BABAM2: variants seen among roughly 807,000 people sequenced by gnomAD.
BABAM2 encodes BRISC and BRCA1 A complex member 2, also known as BRISC and BRCA1-A complex member 2.
In BABAM2, 31 loss-of-function variants were observed where a neutral mutation model predicts 54.7. The ratio of observed to expected loss-of-function variants is 0.57; its 90% confidence interval spans 0.43 to 0.77. The LOEUF is 0.77. Among genes scored for constraint, BABAM2 ranks in the 30% least tolerant of loss-of-function variants. The pLI, the probability that BABAM2 is intolerant of heterozygous loss-of-function variation, is 0.00. For synonymous variants in BABAM2, 167 were observed against 162.9 expected, an observed-to-expected ratio of 1.03 and a Z score of -0.19; for missense variants, 364 against 455.8, an observed-to-expected ratio of 0.80 and a Z score of 1.83.
At chr2:28,026,917 AATATATATAAAT>A (rs1228120527) in intron 5 of BABAM2, among the ~76,000 whole-genome samples, 2 of 29,478 alleles carry the variant, frequency 6.8e-5, no homozygotes, top group East Asian at 1.3e-3. Flanking sequence ...AATATATATT[AATATATATAAAT>A]ATATATATAA....
intron 6 of BABAM2, among the ~76,000 whole-genome samples, chr2:28,127,353 C>T (rs6707054): frequency 0.22 from 33,266 of 152,056 alleles, 3,892 homozygotes; most frequent in South Asian, 0.45. Flanking sequence ...GGCAGAGAAG[C>T]ATTTGGTGTG....
chr2:28,329,006 A>G lies in BABAM2; in HGVS notation c.1089-9444A>G, dbSNP rs1421650873. Among the ~76,000 whole-genome samples, 2 of 152,232 alleles carry G rather than the reference A, an allele frequency of 1.3e-5. No homozygotes were observed. The highest frequency in any genetic ancestry group is 2.9e-5 in the Non-Finnish European group (2 of 68,046). ...TGAATCAATAAAGCATTGTAATTCC[A>G]GTAGGAAAGAACCCTTTAGATGAGA... is the stretch of plus-strand genomic sequence containing the variant. On this transcript the variant is annotated intron_variant, in intron 11 of 11. Coordinates refer to ENST00000379624, the MANE Select transcript of BABAM2 (RefSeq NM_199191.3). This position sits in a 1 kb window ranked among gnomAD's most constrained non-coding sequence, Gnocchi z 4.2.
At chr2:28,058,915 G>A (rs1044936433) in intron 6 of BABAM2, among the ~76,000 whole-genome samples, 7 of 152,058 alleles carry the variant, frequency 4.6e-5, no homozygotes, top group African/African-American at 9.7e-5. Flanking sequence ...AAACAACAAC[G>A]GCTCCTTCAC....
At chr2:28,094,390 T>C (rs1666422872) in intron 6 of BABAM2, among the ~76,000 whole-genome samples, 1 of 152,138 alleles carries the variant, frequency 6.6e-6, no homozygotes, top group Non-Finnish European at 1.5e-5. Context: ...ATGGCAATGA[T>C]TGAGTTTGCC....
At chr2:28,209,534 A>G (rs1679232176) in intron 7 of BABAM2, among the ~76,000 whole-genome samples, 1 of 152,202 alleles carries the variant, frequency 6.6e-6, no homozygotes, top group Non-Finnish European at 1.5e-5. Flanking sequence ...AGCATTGCCA[A>G]CTGAGAGGGA....
intron 6 of BABAM2, among the ~76,000 whole-genome samples, chr2:28,047,194 T>TGA (rs1220039537): frequency 4.6e-5 from 7 of 152,368 alleles, no homozygotes; most frequent in Non-Finnish European, 1.0e-4. Context: ...TCAATTTCTA[T>TGA]CAGTTTCTCT....
intron 7 of BABAM2, among the ~76,000 whole-genome samples, chr2:28,235,333 C>T (rs955778703): frequency 1.1e-4 from 16 of 152,188 alleles, no homozygotes; most frequent in East Asian, 9.7e-4. Flanking sequence ...CATGCCACCA[C>T]GCCCAGCTAA....
At chr2:27,890,229 C>G (rs780144481), upstream of BABAM2, 82 of 1,608,478 alleles carry the variant, frequency 5.1e-5, 1 homozygote, top group Admixed American at 1.0e-3. This position sits in a 1 kb window ranked among gnomAD's most constrained non-coding sequence, Gnocchi z 4.8. Flanking sequence ...CCCCGAGCCG[C>G]AGACTGAGTA....
chr2:27,941,484 AGG>A (rs1668878873), intron 3 of BABAM2, among the ~76,000 whole-genome samples: 1 of 151,686 alleles, frequency 6.6e-6, no homozygotes, highest in African/African-American at 2.4e-5. Flanking sequence ...TGAACCTGGG[AGG>A]CGGAGGTTGC....
Position 28,172,584 on chromosome 2 carries a change from T to G in BABAM2, c.680+43204T>G, listed in dbSNP as rs148891179. Among the ~76,000 whole-genome samples, 6 of 152,332 alleles carry G rather than the reference T, an allele frequency of 3.9e-5. No individual in the cohort carries two copies. In the East Asian group the frequency reaches 1.2e-3, roughly 29 times the overall value. On this transcript the variant is annotated intron_variant, in intron 7 of 11. Transcript: ENST00000379624. ...GAACTGCACTTTCTATCAACTTATG[T>G]TTCCCTGTGAAGAAAACCTTGTCTC...
intron 11 of BABAM2, among the ~76,000 whole-genome samples, chr2:28,333,348 C>T (rs1691130040): frequency 6.6e-6 from 1 of 152,184 alleles, no homozygotes; most frequent in East Asian, 1.9e-4. Context: ...TCACCTTCTA[C>T]AGCCCACCGG....
chr2:27,963,488 A>AG (rs1558622100), intron 3 of BABAM2, among the ~76,000 whole-genome samples: 2 of 151,266 alleles, frequency 1.3e-5, no homozygotes, highest in East Asian at 1.9e-4. Flanking sequence ...AAAAAAAAAA[A>AG]AAAAAGAAAA....
intron 7 of BABAM2, among the ~76,000 whole-genome samples, chr2:28,167,707 AATAAAT>A (rs1673859394): frequency 1.3e-5 from 2 of 150,086 alleles, no homozygotes; most frequent in African/African-American, 2.4e-5. Context: ...AAAATAAATA[AATAAAT>A]AAATAAATAA....
intron 7 of BABAM2, among the ~76,000 whole-genome samples, chr2:28,228,163 G>A (rs1367236066): frequency 6.6e-6 from 1 of 152,208 alleles, no homozygotes; most frequent in African/African-American, 2.4e-5. Context: ...TCATTTTCAT[G>A]TGGAGGTCAA....
chr2:28,289,002 C>G (rs1687058127), intron 10 of BABAM2, among the ~76,000 whole-genome samples: 1 of 151,008 alleles, frequency 6.6e-6, no homozygotes, highest in Non-Finnish European at 1.5e-5. Context: ...TTTTCCTGAC[C>G]CTCTTAGTTT....
In BABAM2 at chr2:28,310,200, G is replaced by A. The variant is rs868012697; in HGVS notation, c.1088+11709G>A. On this transcript the variant is annotated intron_variant, in intron 11 of 11. Coordinates refer to ENST00000379624, the MANE Select transcript of BABAM2 (RefSeq NM_199191.3). Reference sequence around the variant, plus strand: ...ATTAGAACCTGACATCTGTTGCAGTGAAATGATAAGCTCCATTGAAAAGCC... The same window carrying A: ...ATTAGAACCTGACATCTGTTGCAGTAAAATGATAAGCTCCATTGAAAAGCC... 54 of 1,578,734 alleles carry A rather than the reference G, an allele frequency of 3.4e-5. No individual in the cohort carries two copies. The African/African-American group carries it at 5.7e-4, about 17-fold the overall frequency.
At chr2:28,143,538 GA>G (rs1261342160) in intron 7 of BABAM2, among the ~76,000 whole-genome samples, 1 of 152,004 alleles carries the variant, frequency 6.6e-6, no homozygotes, top group Non-Finnish European at 1.5e-5. Context: ...GGAAAGTGAT[GA>G]ACATATTATT....
chr2:27,939,203 G>A (rs145834601), intron 3 of BABAM2, among the ~76,000 whole-genome samples: 11 of 151,942 alleles, frequency 7.2e-5, no homozygotes, highest in African/African-American at 2.4e-4. Context: ...CGCCCACCTC[G>A]GCCTCCCAAA....
chr2:28,088,121 G>A lies in BABAM2; in HGVS notation c.571-41150G>A, dbSNP rs560236343. On this transcript the variant is annotated intron_variant, in intron 6 of 11. Coordinates refer to ENST00000379624, the MANE Select transcript of BABAM2 (RefSeq NM_199191.3). ...TGAACACATAGACACACACAGGAAA[G>A]AAGTCTGGCTTACATAGATGTCATA... Among the ~76,000 whole-genome samples the A allele has an allele frequency of 3.9e-5, 6 of 152,288 alleles. No individual in the cohort carries two copies. In the South Asian group the frequency reaches 1.2e-3, roughly 32 times the overall value.
Sources: gnomAD v4.1 joint callset for allele counts (sites outside exome capture counted in the v4.1 genomes callset) on GRCh38, gnomAD v4.1.1 for gene constraint, Gnocchi (gnomAD v3.1) non-coding constraint, MANE v1.5 for transcripts, NCBI Gene and HGNC (gene_info 2026-07-23, HGNC 2026-07-21) for gene names.